The following SH3PXD2A variants were observed in gnomAD, a reference collection of about 807,000 sequenced individuals.
The protein encoded by SH3PXD2A is SH3 and PX domain-containing protein 2A.
SH3PXD2A carries 32 observed loss-of-function variants against 115.2 expected under a neutral mutation model. The observed-to-expected ratio is 0.28, with a 90% CI of 0.21 to 0.37. The LOEUF (loss-of-function observed/expected upper bound fraction) is 0.37. Among genes scored for constraint, SH3PXD2A ranks in the 10% least tolerant of loss-of-function variants. The pLI is 1.00. For missense variants in SH3PXD2A, 1,328 were observed against 1,498.7 expected (o/e 0.89, Z 1.88); for synonymous variants, 610 against 629.1 (o/e 0.97, Z 0.45).
intron 5 of SH3PXD2A, among the ~76,000 whole-genome samples, chr10:103,714,868 G>C (rs145295767): frequency 2.2e-3 from 339 of 152,330 alleles, no homozygotes; most frequent in African/African-American, 7.7e-3. Flanking sequence ...TGTCTGACCA[G>C]AATGCAGCCA....
intron 6 of SH3PXD2A, among the ~76,000 whole-genome samples, chr10:103,681,740 T>TCACACA (rs59808169): frequency 2.0e-4 from 29 of 145,726 alleles, no homozygotes; most frequent in African/African-American, 3.1e-4. Context: ...TGAGACTCCA[T>TCACACA]CACACACACA....
chr10:103,641,104 C>G (rs1474793586), intron 8 of SH3PXD2A, among the ~76,000 whole-genome samples: 1 of 152,170 alleles, frequency 6.6e-6, no homozygotes, highest in Non-Finnish European at 1.5e-5. Context: ...AAAAAGAGGT[C>G]TGAACAGATG....
rs537264064 is a variant in SH3PXD2A at position 103,651,669 on chromosome 10, C to G, written c.604+9314G>C. Among the ~76,000 whole-genome samples, 4 of 152,334 alleles carry G rather than the reference C, an allele frequency of 2.6e-5. No individual in the cohort carries two copies. In the South Asian group the frequency reaches 8.3e-4, roughly 32 times the overall value. On this transcript the variant is annotated intron_variant, in intron 8 of 14. Transcript: ENST00000369774. ...CAGAATGCCAACATCCATCCTGCCTCTTGCCAAGATGTTTTATAGACTGCA... is the reference window on the plus strand; with the variant it reads ...CAGAATGCCAACATCCATCCTGCCTGTTGCCAAGATGTTTTATAGACTGCA...
chr10:103,824,372 G>C (rs1190917475), intron 1 of SH3PXD2A, among the ~76,000 whole-genome samples: 1 of 152,176 alleles, frequency 6.6e-6, no homozygotes, highest in Non-Finnish European at 1.5e-5. Flanking sequence ...GAGGAATGCT[G>C]AAGCAGTCCC....
chr10:103,743,947 T>A (rs922661270), intron 3 of SH3PXD2A, among the ~76,000 whole-genome samples: 8 of 152,266 alleles, frequency 5.3e-5, no homozygotes, highest in South Asian at 2.1e-4. Flanking sequence ...GAAGAGAGCA[T>A]AGAGCAGAGA....
At chr10:103,650,207 G>C (rs886090638) in intron 8 of SH3PXD2A, among the ~76,000 whole-genome samples, 8 of 151,216 alleles carry the variant, frequency 5.3e-5, no homozygotes, top group African/African-American at 9.8e-5. Flanking sequence ...GCAGCAGCTG[G>C]AGAGCCCTGC....
intron 13 of SH3PXD2A, 107 bp from the exon 14 acceptor site, chr10:103,606,024 C>T: frequency 8.5e-7 from 1 of 1,170,258 alleles, no homozygotes; most frequent in Non-Finnish European, 1.2e-6. Context: ...TGGCCGTTTA[C>T]ACCAGCTGGA....
chr10:103,613,065 T>C lies in SH3PXD2A; in HGVS notation c.1046A>G (p.Asn349Ser). The change falls in exon 12 of 15, where the codon AAC becomes AGC. Residue 349 changes from asparagine (N) to serine (S), a missense_variant. Physicochemically the swap from Asn to Ser is conservative, Grantham distance 46. Transcript: ENST00000369774. ...EIIGNIMEISNLLNKKASGDK... is the reference protein window; with the variant it reads ...EIIGNIMEISSLLNKKASGDK... ...CCCAGACGCCTTCTTGTTCAGCAGG[T>C]TGCTGATCTCCATGATGTTCCCAAT... 1 of 1,614,160 alleles carries C rather than the reference T, an allele frequency of 6.2e-7. No individual in the cohort carries two copies. Among genetic ancestry groups the C allele is most frequent in the Non-Finnish European group, 8.5e-7 (1 of 1,179,982 alleles).
chr10:103,804,233 T>C (rs1001925064), intron 1 of SH3PXD2A, among the ~76,000 whole-genome samples: 1 of 151,734 alleles, frequency 6.6e-6, no homozygotes, highest in Non-Finnish European at 1.5e-5. Context: ...TCAGGTTCAA[T>C]GTTAGGGTGC....
Position 103,724,369 on chromosome 10 carries a change from G to A in SH3PXD2A, c.307-8C>T, listed in dbSNP as rs778511530. ...GGGCAGCCGGACAAGTGCCTGTGGA[G>A]AGACAGGAAGAAAGGGCATTAGGTG... On this transcript the variant is annotated splice_polypyrimidine_tract_variant and splice_region_variant and intron_variant, in intron 4 of 14. Transcript: ENST00000369774. 3 of 1,550,126 alleles carry A rather than the reference G, an allele frequency of 1.9e-6. No individual in the cohort carries two copies. Among genetic ancestry groups the A allele is most frequent in the South Asian group, 2.4e-5 (2 of 84,284 alleles).
intron 2 of SH3PXD2A, among the ~76,000 whole-genome samples, chr10:103,796,414 C>T (rs1214329534): frequency 1.3e-5 from 2 of 151,090 alleles, no homozygotes; most frequent in Non-Finnish European, 2.9e-5. Context: ...GAGAGAGAGA[C>T]CATATGGGCA....
intron 1 of SH3PXD2A, among the ~76,000 whole-genome samples, 199 bp downstream of exon 1, chr10:103,854,996 G>T (rs762032): frequency 0.87 from 132,091 of 151,854 alleles, 58,608 homozygotes; most frequent in East Asian, 0.99. Flanking sequence ...AAAAGAAACC[G>T]GGGGGGCGGG....
rs1206589557 is a variant in SH3PXD2A, at chr10:103,597,792, G to A, written c.*4024C>T. ...TCTCAGATTGTTTCCATTTTTGATT[G>A]AGAATGCAAGGTATTTGGAGGGGTA... On this transcript the variant is annotated 3_prime_UTR_variant, in exon 15 of 15. Transcript: ENST00000369774. 1 of 152,598 alleles carries A rather than the reference G, an allele frequency of 6.6e-6. No homozygotes were observed. Among genetic ancestry groups the A allele is most frequent in the Non-Finnish European group, 1.5e-5 (1 of 68,052 alleles). 9.5% of individuals were successfully genotyped at this position (152,598 alleles called of 1,614,324 possible). A position where few individuals can be genotyped will look rare whatever the true frequency, so the allele number is the denominator to read the frequency against.
At chr10:103,752,765 G>T (rs1033735848) in intron 3 of SH3PXD2A, among the ~76,000 whole-genome samples, 1 of 152,178 alleles carries the variant, frequency 6.6e-6, no homozygotes, top group Non-Finnish European at 1.5e-5. Context: ...TTGAATCGTG[G>T]TTTAGGAAAT....
chr10:103,638,436 T>C (rs1053432041), intron 8 of SH3PXD2A, among the ~76,000 whole-genome samples: 5 of 152,240 alleles, frequency 3.3e-5, no homozygotes, highest in Non-Finnish European at 5.9e-5. Context: ...CTGGTGTGTC[T>C]GAGCAGACCA....
intron 1 of SH3PXD2A, among the ~76,000 whole-genome samples, chr10:103,847,609 G>A (rs899905277): frequency 6.6e-6 from 1 of 152,148 alleles, no homozygotes; most frequent in African/African-American, 2.4e-5. Flanking sequence ...ACAGTCATGA[G>A]CCACCATGCC....
intron 6 of SH3PXD2A, among the ~76,000 whole-genome samples, chr10:103,680,131 C>A: frequency 6.6e-6 from 1 of 151,998 alleles, no homozygotes; most frequent in Non-Finnish European, 1.5e-5. Flanking sequence ...AGGCGCCCAC[C>A]ACGACACCAA....
At position 103,617,226 on chromosome 10, in the gene SH3PXD2A, C is replaced by A. The variant is rs775167026; in HGVS notation, c.891G>T (p.Arg297=). 2.2e-5 allele frequency: 35 copies of A among 1,613,886 alleles called. No individual in the cohort carries two copies. In the Admixed American group the frequency reaches 5.7e-4, roughly 26 times the overall value. Residue 297 remains arginine (R), a synonymous_variant, in exon 11 of 15, where the codon CGG becomes CGT. Transcript: ENST00000369774. ...FEKGVTVEVI[R]KNLEGWWYIR... is the part of the protein sequence containing the mutation. ...TATACCACCAGCCTTCCAGATTCTT[C>A]CGGATCACCTCCACTGTGACGCCCT...
intron 7 of SH3PXD2A, among the ~76,000 whole-genome samples, chr10:103,662,386 CTT>C (rs571936334): frequency 6.8e-4 from 27 of 39,708 alleles, no homozygotes; most frequent in African/African-American, 3.0e-3. Flanking sequence ...ATATGATGTG[CTT>C]TTTTTTTTTT....
Sources: gnomAD v4.1 joint callset for allele counts (sites outside exome capture counted in the v4.1 genomes callset) on GRCh38, gnomAD v4.1.1 for gene constraint, MANE v1.5 for transcripts, NCBI Gene and HGNC (gene_info 2026-07-23, HGNC 2026-07-21) for gene names.